Variants in HM13 observed in about 807,000 individuals in gnomAD.
The protein encoded by HM13 is histocompatibility minor 13, also known as signal peptide peptidase.
Under a neutral mutation model 50.0 loss-of-function variants are expected in HM13, and 18 were observed. The observed-to-expected ratio is 0.36, with a 90% CI of 0.25 to 0.53. The LOEUF (loss-of-function observed/expected upper bound fraction) is 0.53. HM13 is among the 20% of genes least tolerant of loss of function. The pLI, the probability that HM13 is intolerant of heterozygous loss-of-function variation, is 0.90. For synonymous variants in HM13, 197 were observed against 232.6 expected, an observed-to-expected ratio of 0.85 and a Z score of 1.39; for missense variants, 393 against 552.4, an observed-to-expected ratio of 0.71 and a Z score of 2.89.
chr20:31,567,599 A>G (rs976723007), intron 11 of HM13: 1 of 149,254 alleles, frequency 6.7e-6, no homozygotes, highest in African/African-American at 2.5e-5. Flanking sequence ...TCCTTTTTTT[A>G]TTGATTTACT....
At chr20:31,525,638 G>A (rs1465885646) in intron 1 of HM13, among the ~76,000 whole-genome samples, 2 of 151,982 alleles carry the variant, frequency 1.3e-5, no homozygotes, top group Non-Finnish European at 1.5e-5. Context: ...GAAGGGCTTC[G>A]TGGCAGTGAC....
At chr20:31,527,079 A>G (rs999659981) in intron 1 of HM13, among the ~76,000 whole-genome samples, 2 of 152,116 alleles carry the variant, frequency 1.3e-5, no homozygotes, top group South Asian at 4.1e-4. Flanking sequence ...GGTGGTTCAT[A>G]CCTGTAATCC....
At chr20:31,526,975 TC>T (rs1982526236) in intron 1 of HM13, among the ~76,000 whole-genome samples, 1 of 152,212 alleles carries the variant, frequency 6.6e-6, no homozygotes, top group South Asian at 2.1e-4. Context: ...ATAGCCCTTC[TC>T]CCCAGATGTG....
At chr20:31,537,899 C>T (rs571375274) in intron 2 of HM13, among the ~76,000 whole-genome samples, 3 of 152,344 alleles carry the variant, frequency 2.0e-5, no homozygotes, top group African/African-American at 7.2e-5. Context: ...CCCTGTGCAG[C>T]ACTTTGAGCA....
intron 1 of HM13, among the ~76,000 whole-genome samples, chr20:31,524,221 C>G (rs1053446234): frequency 1.3e-5 from 2 of 151,912 alleles, no homozygotes; most frequent in African/African-American, 4.8e-5. Context: ...GCTTGGGCAA[C>G]AGAGAGAGAC....
At chr20:31,549,731 T>A (rs1267571656) in intron 6 of HM13, among the ~76,000 whole-genome samples, 1 of 152,248 alleles carries the variant, frequency 6.6e-6, no homozygotes, top group Non-Finnish European at 1.5e-5. Flanking sequence ...TCAGCCTGAC[T>A]CAGGTACCCT....
chr20:31,519,085 T>C (rs1981989811), intron 1 of HM13, among the ~76,000 whole-genome samples: 1 of 152,148 alleles, frequency 6.6e-6, no homozygotes, highest in Admixed American at 6.5e-5. Context: ...AATAGGCATA[T>C]ACTTTTCCCT....
chr20:31,552,343 G>C (rs557900921), intron 7 of HM13, among the ~76,000 whole-genome samples: 3 of 152,222 alleles, frequency 2.0e-5, no homozygotes, highest in African/African-American at 7.2e-5. Flanking sequence ...GAGAATCAGG[G>C]AGTGGGCATA....
intron 2 of HM13, among the ~76,000 whole-genome samples, chr20:31,537,754 T>G (rs2122589268): frequency 6.6e-6 from 1 of 152,298 alleles, no homozygotes; most frequent in East Asian, 1.9e-4. Flanking sequence ...CTAGCATGCT[T>G]GCGGCCTGGG....
intron 3 of HM13, chr20:31,538,983 G>A: frequency 2.6e-6 from 2 of 756,158 alleles, no homozygotes; most frequent in Non-Finnish European, 3.2e-6. Context: ...GCCCAGAGAG[G>A]TTAAGAAATT....
At chr20:31,557,655 T>C (rs1294724689) in intron 8 of HM13, among the ~76,000 whole-genome samples, 2 of 151,406 alleles carry the variant, frequency 1.3e-5, no homozygotes, top group Admixed American at 6.6e-5. Flanking sequence ...ACTAATTCAT[T>C]TCCCTCTTTA....
chr20:31,543,976 A>T (rs1261174673), intron 3 of HM13, among the ~76,000 whole-genome samples: 1 of 151,902 alleles, frequency 6.6e-6, no homozygotes, highest in African/African-American at 2.4e-5. Flanking sequence ...TATCACTGTG[A>T]CCTGGGTACC....
intron 9 of HM13, 34 bp from the exon 10 acceptor site, chr20:31,561,600 A>G: frequency 7.0e-7 from 1 of 1,427,506 alleles, no homozygotes; most frequent in South Asian, 1.1e-5. Context: ...CCTATATCTA[A>G]CCCTCCTCCT....
chr20:31,547,611 T>A (rs1191444728), intron 4 of HM13: 13 of 1,575,124 alleles, frequency 8.3e-6, no homozygotes, highest in Non-Finnish European at 1.1e-5. Flanking sequence ...TTCCAGGTAT[T>A]GAACCATGGC....
intron 1 of HM13, among the ~76,000 whole-genome samples, chr20:31,520,075 T>C (rs1286080613): frequency 6.6e-6 from 1 of 151,968 alleles, no homozygotes; most frequent in Non-Finnish European, 1.5e-5. Flanking sequence ...CAGGCTGGTC[T>C]CAAACTCCTG....
rs964909070 is a variant in HM13 at position 31,564,862 on chromosome 20, A to G, written c.949-1348A>G. On this transcript the variant is annotated intron_variant, in intron 10 of 12. Transcript: ENST00000398174. ...CTATCTCAAAATCACAAAAAAAAAA[A>G]AAAAGAAAAGAAAAGAAACTCGGCC... Among the ~76,000 whole-genome samples the G allele has an allele frequency of 1.6e-3, 249 of 151,406 alleles. 1 individual carries two copies. The highest frequency in any genetic ancestry group is 5.6e-3 in the African/African-American group (231 of 41,236).
chr20:31,565,462 A>G (rs1325202576), intron 10 of HM13, among the ~76,000 whole-genome samples: 2 of 148,724 alleles, frequency 1.3e-5, no homozygotes, highest in East Asian at 2.0e-4. Context: ...CTGGGCAACA[A>G]GAGTCAGAGA....
intron 2 of HM13, among the ~76,000 whole-genome samples, chr20:31,533,328 C>A (rs1982924566): frequency 6.6e-6 from 1 of 152,206 alleles, no homozygotes; most frequent in South Asian, 2.1e-4. Context: ...CATGGTAAAA[C>A]CCCGTCTCTA....
chr20:31,514,783 G>A lies in HM13; in HGVS notation c.183+49G>A, dbSNP rs761291027. On this transcript the variant is annotated intron_variant, in intron 1 of 12. Transcript: ENST00000398174. This position sits in a 1 kb window ranked among gnomAD's most constrained non-coding sequence, Gnocchi z 4.3. ...CACTTTCCACCCCCATACCGAACAC[G>A]GCCGACATGGACCCTTCCTAGGCGG... 4.1e-6 allele frequency: 6 copies of A among 1,456,548 alleles called. No individual in the cohort carries two copies. The highest frequency in any genetic ancestry group is 5.5e-6 in the Non-Finnish European group (6 of 1,099,870). 90.2% of individuals were successfully genotyped at this position (1,456,548 alleles called of 1,614,324 possible). A position where few individuals can be genotyped will look rare whatever the true frequency, so the allele number is the denominator to read the frequency against.
Sources: allele counts gnomAD v4.1 joint callset (sites outside exome capture counted in the v4.1 genomes callset), GRCh38; gene constraint gnomAD v4.1.1; non-coding constraint Gnocchi (gnomAD v3.1); transcripts MANE v1.5; gene names NCBI Gene and HGNC (gene_info 2026-07-23, HGNC 2026-07-21).